PTK7: variants seen among roughly 807,000 people sequenced by gnomAD.
PTK7 encodes protein tyrosine kinase 7 (inactive), also known as inactive tyrosine-protein kinase 7.
Under a neutral mutation model 116.6 loss-of-function variants are expected in PTK7, and 39 were observed. That is an observed-to-expected ratio of 0.33 (90% CI 0.26 to 0.44). The LOEUF is 0.44. Among genes scored for constraint, PTK7 ranks in the 20% least tolerant of loss-of-function variants. PTK7 has a pLI of 1.00. For synonymous variants in PTK7, 546 were observed against 563.6 expected, an observed-to-expected ratio of 0.97 and a Z score of 0.44; for missense variants, 1,169 against 1,425.6, an observed-to-expected ratio of 0.82 and a Z score of 2.90.
intron 7 of PTK7, among the ~76,000 whole-genome samples, chr6:43,136,830 G>A (rs947492125): frequency 1.3e-5 from 2 of 151,930 alleles, no homozygotes; most frequent in South Asian, 2.1e-4. Context: ...GCCAGACCCC[G>A]TCTCTACTAA....
At chr6:43,085,721 G>T (rs963079972) in intron 1 of PTK7, among the ~76,000 whole-genome samples, 1 of 151,558 alleles carries the variant, frequency 6.6e-6, no homozygotes, top group Non-Finnish European at 1.5e-5. Flanking sequence ...ATCACCTGAG[G>T]TCGGGAGTTC....
chr6:43,110,377 G>T (rs1455488703), intron 1 of PTK7, among the ~76,000 whole-genome samples: 1 of 151,072 alleles, frequency 6.6e-6, no homozygotes, highest in East Asian at 2.0e-4. Context: ...TAGAATTTTA[G>T]CAGGTTTTTT....
chr6:43,160,992 G>A lies in PTK7; in HGVS notation c.*111G>A, dbSNP rs989585502. The A allele has an allele frequency of 2.2e-6, 3 of 1,392,146 alleles. No homozygotes were observed. The highest frequency in any genetic ancestry group is 2.9e-5 in the African/African-American group (2 of 69,702). The allele number at this position is 1,392,146 out of a possible 1,614,324, so 86.2% of individuals were successfully genotyped here. ...CCTGGGCCCTGAGGCCCCTGCCCTA[G>A]TGCAACAGGCATTGCTGAGGTCTGA... On this transcript the variant is annotated 3_prime_UTR_variant, in exon 20 of 20. Coordinates refer to ENST00000230419, the MANE Select transcript of PTK7 (RefSeq NM_002821.5).
At chr6:43,133,994 T>A (rs1769872913) in intron 7 of PTK7, among the ~76,000 whole-genome samples, 1 of 152,220 alleles carries the variant, frequency 6.6e-6, no homozygotes, top group Non-Finnish European at 1.5e-5. Context: ...CAGTCAAGCC[T>A]TCCTCCAGTT....
chr6:43,116,714 G>A (rs75924202), intron 1 of PTK7, among the ~76,000 whole-genome samples: 2,902 of 152,094 alleles, frequency 0.019, 97 homozygotes, highest in African/African-American at 0.065. Flanking sequence ...AGGATACCCA[G>A]AGGAGTGGTG....
At chr6:43,149,486 G>A (rs1770947533) in intron 17 of PTK7, among the ~76,000 whole-genome samples, 1 of 152,232 alleles carries the variant, frequency 6.6e-6, no homozygotes, top group Non-Finnish European at 1.5e-5. Flanking sequence ...TGATTCCTAA[G>A]CTCATTAAAG....
At chr6:43,124,625 G>T (rs368030610) in intron 1 of PTK7, among the ~76,000 whole-genome samples, 1 of 152,044 alleles carries the variant, frequency 6.6e-6, no homozygotes, top group East Asian at 1.9e-4. Context: ...GCAGTGAGCC[G>T]TGATGGCACC....
intron 17 of PTK7, among the ~76,000 whole-genome samples, chr6:43,149,059 CAAAA>C (rs59033917): frequency 1.4e-5 from 1 of 69,832 alleles, no homozygotes; most frequent in Admixed American, 1.8e-4. Context: ...GACTTTGTCT[CAAAA>C]AAAAAAAAAA....
intron 7 of PTK7, among the ~76,000 whole-genome samples, chr6:43,135,927 G>A (rs1184566886): frequency 6.6e-6 from 1 of 151,736 alleles, no homozygotes; most frequent in African/African-American, 2.4e-5. Flanking sequence ...AGTGGCTCAC[G>A]CCTTGTAATC....
intron 17 of PTK7, among the ~76,000 whole-genome samples, chr6:43,152,592 T>G (rs1180134181): frequency 6.6e-6 from 1 of 152,252 alleles, no homozygotes; most frequent in Non-Finnish European, 1.5e-5. Context: ...GCACTGCCTG[T>G]TAGAGCCTCA....
chr6:43,147,950 G>A (rs1466988141), intron 17 of PTK7, among the ~76,000 whole-genome samples: 1 of 152,270 alleles, frequency 6.6e-6, no homozygotes, highest in East Asian at 1.9e-4. Flanking sequence ...TGAGCCAGGT[G>A]TGGCCCCAGG....
At chr6:43,152,099 G>T (rs1288032797) in intron 17 of PTK7, among the ~76,000 whole-genome samples, 2 of 150,874 alleles carry the variant, frequency 1.3e-5, no homozygotes, top group Non-Finnish European at 3.0e-5. Context: ...CACCCGCCTC[G>T]GCCTCCCAAA....
chr6:43,090,429 A>T (rs1469414296), intron 1 of PTK7, among the ~76,000 whole-genome samples: 1 of 152,216 alleles, frequency 6.6e-6, no homozygotes, highest in Non-Finnish European at 1.5e-5. Context: ...AAATGCCCTC[A>T]TTTAGCAGCA....
intron 1 of PTK7, among the ~76,000 whole-genome samples, chr6:43,092,297 C>G (rs975357459): frequency 1.3e-5 from 2 of 152,098 alleles, no homozygotes; most frequent in Non-Finnish European, 2.9e-5. Flanking sequence ...CCTCAGCCTC[C>G]CAAGTAGCTG....
chr6:43,156,137 G>A (rs559687463), intron 17 of PTK7, among the ~76,000 whole-genome samples: 2 of 146,424 alleles, frequency 1.4e-5, no homozygotes, highest in East Asian at 4.0e-4. Context: ...GCTGAGGCAC[G>A]AGAGTCACTG....
At chr6:43,137,448 G>T (rs753235745) in intron 7 of PTK7, among the ~76,000 whole-genome samples, 14 of 152,192 alleles carry the variant, frequency 9.2e-5, no homozygotes, top group Non-Finnish European at 1.6e-4. Context: ...TAGTTCTATT[G>T]ACTGAGATAG....
chr6:43,158,858 G>A lies in PTK7; in HGVS notation c.2763G>A (p.Leu921=). The stretch of plus-strand genomic sequence containing the variant: ...AGGTAGCCCTGGGCATGGAGCACCT[G>A]TCCAACAACCGCTTTGTGCATAAGG... The part of the protein sequence containing the change: ...CTQVALGMEH[L]SNNRFVHKDL... The change falls in exon 18 of 20, where the codon CTG becomes CTA. Residue 921 remains leucine (L), a synonymous_variant. Coordinates refer to ENST00000230419, the MANE Select transcript of PTK7 (RefSeq NM_002821.5). The A allele has an allele frequency of 6.2e-7, 1 of 1,614,204 alleles. No homozygotes were observed.
chr6:43,102,682 A>C (rs1352942343), intron 1 of PTK7, among the ~76,000 whole-genome samples: 3 of 152,200 alleles, frequency 2.0e-5, no homozygotes, highest in Admixed American at 2.0e-4. Flanking sequence ...CACTAGATAT[A>C]AATTAACATC....
chr6:43,114,691 C>T (rs559777687), intron 1 of PTK7, among the ~76,000 whole-genome samples: 5 of 152,054 alleles, frequency 3.3e-5, no homozygotes, highest in Admixed American at 6.6e-5. Flanking sequence ...CTCAGCCGTC[C>T]GCGTGTGCTT....
Sources: allele counts gnomAD v4.1 joint callset (sites outside exome capture counted in the v4.1 genomes callset), GRCh38; gene constraint gnomAD v4.1.1; transcripts MANE v1.5; gene names NCBI Gene and HGNC (gene_info 2026-07-23, HGNC 2026-07-21).